The following MALRD1 variants were observed in gnomAD, a reference collection of about 807,000 sequenced individuals.
MALRD1 encodes MAM and LDL-receptor class A domain-containing protein 1.
In MALRD1, 247 loss-of-function variants were observed where a neutral mutation model predicts 242.1. The observed-to-expected ratio is 1.02, with a 90% CI of 0.92 to 1.13. The LOEUF is 1.13. Ranked by LOEUF, MALRD1 falls within the 50% of genes most tolerant of loss-of-function variation. The pLI is 0.00. For missense variants in MALRD1, 2,989 were observed against 2,533.1 expected (o/e 1.18, Z -3.86); for synonymous variants, 995 against 866.6 (o/e 1.15, Z -2.60).
chr10:19,140,070 G>A (rs942206168), intron 10 of MALRD1, among the ~76,000 whole-genome samples: 2 of 152,148 alleles, frequency 1.3e-5, no homozygotes, highest in African/African-American at 2.4e-5. Context: ...TATTTGTAAT[G>A]TATATTAACA....
chr10:19,444,194 A>T (rs1457759893), intron 28 of MALRD1, among the ~76,000 whole-genome samples: 1 of 151,928 alleles, frequency 6.6e-6, no homozygotes, highest in East Asian at 1.9e-4. Context: ...TTTTGAGCCT[A>T]TGTGTGTCTC....
At position 19,280,006 on chromosome 10, in the gene MALRD1, A is replaced by G. The variant is rs79635719; in HGVS notation, c.3080-41A>G. The G allele has an allele frequency of 9.8e-3, 13,871 of 1,409,602 alleles. 100 individuals are homozygous for G. Among genetic ancestry groups the G allele is most frequent in the Middle Eastern group, 0.016 (85 of 5,420 alleles). The allele number at this position is 1,409,602 out of a possible 1,614,324, so 87.3% of individuals were successfully genotyped here. On this transcript the variant is annotated intron_variant, in intron 19 of 39. Coordinates refer to ENST00000454679, the MANE Select transcript of MALRD1 (RefSeq NM_001142308.3). ...AATCTCTAAAGCAGTAGAAAACCAG[A>G]AAACCTGCTAAATGATGCCTGTATA...
intron 13 of MALRD1, among the ~76,000 whole-genome samples, chr10:19,170,411 A>G (rs1443190392): frequency 2.6e-5 from 4 of 152,150 alleles, no homozygotes; most frequent in African/African-American, 7.2e-5. Flanking sequence ...ATGTAATTGT[A>G]TCATATTTTA....
intron 2 of MALRD1, among the ~76,000 whole-genome samples, chr10:19,075,592 G>A (rs1323355768): frequency 6.6e-6 from 1 of 152,022 alleles, no homozygotes; most frequent in African/African-American, 2.4e-5. Context: ...CAGTCTTAGG[G>A]CTGTGTGGAA....
At chr10:19,097,277 A>G (rs967284811) in intron 4 of MALRD1, among the ~76,000 whole-genome samples, 9 of 152,140 alleles carry the variant, frequency 5.9e-5, no homozygotes, top group African/African-American at 2.2e-4. Context: ...TCAATTACTG[A>G]GTCACTGAGC....
At chr10:19,636,916 C>A in intron 36 of MALRD1, among the ~76,000 whole-genome samples, 2 of 146,362 alleles carry the variant, frequency 1.4e-5, no homozygotes, top group African/African-American at 5.1e-5. Context: ...AAAAAAAACG[C>A]AGAGTAGATT....
At chr10:19,585,555 C>G (rs1564460519) in intron 33 of MALRD1, among the ~76,000 whole-genome samples, 1 of 151,940 alleles carries the variant, frequency 6.6e-6, no homozygotes, top group Non-Finnish European at 1.5e-5. Flanking sequence ...ATATTGGCCC[C>G]CACTCTCTTC....
At chr10:19,341,588 T>TCACA (rs10696261) in intron 24 of MALRD1, among the ~76,000 whole-genome samples, 4 of 148,552 alleles carry the variant, frequency 2.7e-5, no homozygotes, top group African/African-American at 7.4e-5. Flanking sequence ...TATAAAACAC[T>TCACA]CACACACACA....
chr10:19,175,412 A>T, intron 14 of MALRD1, 84 bp downstream of exon 14: 1 of 975,278 alleles, frequency 1.0e-6, no homozygotes, highest in Non-Finnish European at 1.3e-6. Context: ...TATTAGAGTC[A>T]CGAATACCTA....
At chr10:19,067,157 T>C (rs2131244571) in intron 2 of MALRD1, among the ~76,000 whole-genome samples, 1 of 152,340 alleles carries the variant, frequency 6.6e-6, no homozygotes, top group South Asian at 2.1e-4. Context: ...CCAGTTTTTC[T>C]TATTCTTTAT....
chr10:19,678,858 A>C lies in MALRD1; in HGVS notation c.6138-13424A>C, dbSNP rs186069149. On this transcript the variant is annotated intron_variant, in intron 36 of 39. Transcript: ENST00000454679. ...AGTTTATTGAGAGGTTTTAACAGGA[A>C]GGGATGTGGTATTTTATTGAAGGCC... Among the ~76,000 whole-genome samples, 354 of 152,304 alleles carry C rather than the reference A, an allele frequency of 2.3e-3. 2 individuals carry two copies. The highest frequency in any genetic ancestry group is 8.0e-3 in the African/African-American group (333 of 41,578).
At chr10:19,186,288 G>T (rs1835734201) in intron 14 of MALRD1, among the ~76,000 whole-genome samples, 1 of 152,174 alleles carries the variant, frequency 6.6e-6, no homozygotes, top group Non-Finnish European at 1.5e-5. Flanking sequence ...AGATGTCATT[G>T]TGAAAGACCC....
intron 36 of MALRD1, among the ~76,000 whole-genome samples, chr10:19,647,256 GT>G (rs1840700865): frequency 6.6e-6 from 1 of 152,278 alleles, no homozygotes; most frequent in African/African-American, 2.4e-5. Context: ...AGATAGCAAT[GT>G]TTTTCCAAAC....
chr10:19,285,216 G>A (rs1259854830), intron 21 of MALRD1, among the ~76,000 whole-genome samples: 1 of 144,518 alleles, frequency 6.9e-6, no homozygotes, highest in Non-Finnish European at 1.5e-5. Context: ...TGTTCACTCT[G>A]ATGGTAGTTT....
intron 28 of MALRD1, among the ~76,000 whole-genome samples, chr10:19,428,752 A>G (rs1834001579): frequency 6.6e-6 from 1 of 152,246 alleles, no homozygotes; most frequent in Admixed American, 6.5e-5. Flanking sequence ...TGAAATGTTT[A>G]AAGTTTACGT....
chr10:19,200,654 T>G (rs900285176), intron 14 of MALRD1, among the ~76,000 whole-genome samples: 2 of 97,048 alleles, frequency 2.1e-5, no homozygotes, highest in Admixed American at 1.2e-4. Context: ...GGTTTTTTTT[T>G]TTTTTTTTTT....
intron 28 of MALRD1, among the ~76,000 whole-genome samples, chr10:19,410,512 C>G (rs950371166): frequency 6.6e-6 from 1 of 152,124 alleles, no homozygotes; most frequent in African/African-American, 2.4e-5. Flanking sequence ...GTCTTGACCT[C>G]TGAAAATCTA....
rs193088899 is a variant in MALRD1 at position 19,521,208 on chromosome 10, T to C, written c.5321-9986T>C. ...GACACCGTAATTTCTCTAAAAAGAATCTTCTAAATATGTATTTATTTACAG... is the reference window on the plus strand; with the variant it reads ...GACACCGTAATTTCTCTAAAAAGAACCTTCTAAATATGTATTTATTTACAG... On this transcript the variant is annotated intron_variant, in intron 31 of 39. Transcript: ENST00000454679. Among the ~76,000 whole-genome samples the C allele has an allele frequency of 2.0e-5, 3 of 152,214 alleles. No homozygotes were observed. The East Asian group carries it at 5.8e-4, about 29-fold the overall frequency.
chr10:19,162,260 G>C (rs77423211), intron 12 of MALRD1, among the ~76,000 whole-genome samples: 1 of 151,768 alleles, frequency 6.6e-6, no homozygotes, highest in Non-Finnish European at 1.5e-5. Context: ...TTTTTTTGAC[G>C]TAGAATAGAT....
Sources: allele counts gnomAD v4.1 joint callset (sites outside exome capture counted in the v4.1 genomes callset), GRCh38; gene constraint gnomAD v4.1.1; transcripts MANE v1.5; gene names NCBI Gene and HGNC (gene_info 2026-07-23, HGNC 2026-07-21).